Variants in INTS15 observed in about 807,000 individuals in gnomAD.
INTS15 encodes the protein uncharacterized protein C7orf26.
At chr7:6,593,121 C>T in the INTS15 span, among the ~76,000 whole-genome samples, 8 of 152,174 alleles carry the variant, frequency 5.3e-5, no homozygotes, top group Admixed American at 1.3e-4. Context: ...AACTGTAAAG[C>T]AAGAGCTGGC....
At chr7:6,598,085 C>T in the INTS15 span, among the ~76,000 whole-genome samples, 2,900 of 152,220 alleles carry the variant, frequency 0.019, 95 homozygotes, top group African/African-American at 0.066. Context: ...GGTAGAGATG[C>T]GTCAGCTCAG....
At chr7:6,598,785 G>GTGTGTGTGTGTGTGT in the INTS15 span, among the ~76,000 whole-genome samples, 5 of 86,550 alleles carry the variant, frequency 5.8e-5, 1 homozygote, top group African/African-American at 2.4e-4. Context: ...GTGTGTGTGT[G>GTGTGTGTGTGTGTGT]TATTTTTTTT....
the INTS15 span, among the ~76,000 whole-genome samples, chr7:6,600,780 C>T: frequency 6.6e-6 from 1 of 152,078 alleles, no homozygotes; most frequent in Non-Finnish European, 1.5e-5. Flanking sequence ...GCATCAGCCT[C>T]CCGAAGAGCT....
the INTS15 span, among the ~76,000 whole-genome samples, chr7:6,597,479 G>T: frequency 0.034 from 5,159 of 152,168 alleles, 103 homozygotes; most frequent in Middle Eastern, 0.051. Context: ...ATTTTTCGTG[G>T]AGTCAGGGTT....
the INTS15 span, chr7:6,591,754 C>T: frequency 1.9e-6 from 3 of 1,614,020 alleles, no homozygotes; most frequent in African/African-American, 1.3e-5. Flanking sequence ...CCTTTTCAGC[C>T]CTCAAGGGAA....
At chr7:6,606,919 G>A in the INTS15 span, among the ~76,000 whole-genome samples, 12 of 152,046 alleles carry the variant, frequency 7.9e-5, no homozygotes, top group Non-Finnish European at 4.4e-5. Flanking sequence ...GTATTGCTCC[G>A]TCTGGTCTTG....
chr7:6,607,414 C>T, the INTS15 span: 1 of 528,542 alleles, frequency 1.9e-6, no homozygotes, highest in Non-Finnish European at 2.9e-6. The surrounding 1 kb of genome is among the most constrained non-coding windows in gnomAD (Gnocchi z 6.0). Flanking sequence ...AGAGTGGGGG[C>T]ATCTGAAGCT....
chr7:6,591,564 T>TA, the INTS15 span: 1 of 1,294,246 alleles, frequency 7.7e-7, no homozygotes, highest in Non-Finnish European at 1.1e-6. Context: ...GCGCCCAGTC[T>TA]ATTTCCTGTT....
At chr7:6,601,727 GCTTA>G in the INTS15 span, among the ~76,000 whole-genome samples, 1 of 151,696 alleles carries the variant, frequency 6.6e-6, no homozygotes. Context: ...TGTGATCTCG[GCTTA>G]CTGCAACCTC....
the INTS15 span, chr7:6,590,269 C>T: frequency 6.0e-6 from 9 of 1,505,698 alleles, no homozygotes; most frequent in Middle Eastern, 4.7e-4. Context: ...GCGCGGGGGC[C>T]GCGGCGGCCG....
At chr7:6,597,454 C>T in the INTS15 span, among the ~76,000 whole-genome samples, 1 of 152,130 alleles carries the variant, frequency 6.6e-6, no homozygotes, top group African/African-American at 2.4e-5. Flanking sequence ...GCCACCACGC[C>T]TGGCTAATTT....
At chr7:6,606,105 A>G in the INTS15 span, among the ~76,000 whole-genome samples, 1,567 of 152,350 alleles carry the variant, frequency 0.01, 28 homozygotes, top group African/African-American at 0.036. Context: ...GGTTCAAATC[A>G]TCACATGACC....
the INTS15 span, chr7:6,602,615 C>A: frequency 4.3e-6 from 2 of 461,298 alleles, no homozygotes; most frequent in African/African-American, 4.0e-5. Context: ...CTCTATGCCT[C>A]AGCTTACCCC....
chr7:6,599,846 A>G, the INTS15 span: 25 of 1,613,728 alleles, frequency 1.5e-5, no homozygotes, highest in South Asian at 2.2e-4. Context: ...CATTCCACCT[A>G]TGGACTTGCT....
the INTS15 span, among the ~76,000 whole-genome samples, chr7:6,594,053 C>T: frequency 1.4e-5 from 2 of 139,170 alleles, no homozygotes; most frequent in South Asian, 2.3e-4. Context: ...TTGTTGCCCA[C>T]GCTGGAGTGC....
the INTS15 span, chr7:6,591,560 A>C: frequency 8.2e-7 from 1 of 1,212,674 alleles, no homozygotes; most frequent in South Asian, 1.3e-5. Flanking sequence ...CACCGCGCCC[A>C]GTCTATTTCC....
At chr7:6,608,028 AC>A in the INTS15 span, 1 of 1,596,224 alleles carries the variant, frequency 6.3e-7, no homozygotes. Context: ...CCGGGGTTCT[AC>A]CCCCACATCC....
the INTS15 span, among the ~76,000 whole-genome samples, chr7:6,606,677 G>A: frequency 2.6e-4 from 39 of 151,008 alleles, no homozygotes; most frequent in Non-Finnish European, 4.7e-4. Context: ...CCTGAAGCTG[G>A]GAAGGGCCCC....
the INTS15 span, chr7:6,602,683 C>T: frequency 4.5e-5 from 21 of 471,000 alleles, no homozygotes; most frequent in African/African-American, 3.8e-4. Flanking sequence ...GAGGATGAGA[C>T]CCAGTGGTGT....
Sources: allele counts gnomAD v4.1 joint callset (sites outside exome capture counted in the v4.1 genomes callset), GRCh38; gene constraint gnomAD v4.1.1; non-coding constraint Gnocchi (gnomAD v3.1); transcripts MANE v1.5; gene names NCBI Gene and HGNC (gene_info 2026-07-23, HGNC 2026-07-21).